Variants in ZFAT observed in about 807,000 individuals in gnomAD.
ZFAT encodes zinc finger protein ZFAT.
A neutral mutation model predicts 117.7 loss-of-function variants in ZFAT; 64 were observed. That is an observed-to-expected ratio of 0.54 (90% CI 0.44 to 0.67). ZFAT has a LOEUF of 0.67. ZFAT is among the 30% of genes least tolerant of loss of function. The pLI is 0.00. For synonymous variants in ZFAT, 679 were observed against 615.0 expected (o/e 1.10, Z -1.54); for missense variants, 1,433 against 1,584.5 (o/e 0.90, Z 1.62).
intron 10 of ZFAT, among the ~76,000 whole-genome samples, chr8:134,565,916 G>T (rs1824425886): frequency 6.6e-6 from 1 of 152,126 alleles, no homozygotes. Context: ...GAATATCAAG[G>T]GTCTGGACCA....
the ZFAT span, among the ~76,000 whole-genome samples, chr8:134,731,212 T>C: frequency 6.6e-6 from 1 of 152,162 alleles, no homozygotes; most frequent in Non-Finnish European, 1.5e-5. Context: ...ACTTACATCT[T>C]CCCTGTGTTC....
At chr8:134,616,164 C>G (rs963130648) in intron 3 of ZFAT, among the ~76,000 whole-genome samples, 3 of 152,216 alleles carry the variant, frequency 2.0e-5, no homozygotes, top group Non-Finnish European at 4.4e-5. Flanking sequence ...CCATGCTCCT[C>G]ACAGCCCTGA....
At chr8:134,529,790 A>C (rs939940554) in intron 12 of ZFAT, among the ~76,000 whole-genome samples, 6 of 152,200 alleles carry the variant, frequency 3.9e-5, no homozygotes, top group African/African-American at 1.4e-4. Flanking sequence ...TACACTACAG[A>C]AATTGGCAAA....
At chr8:134,806,116 A>G in the ZFAT span, among the ~76,000 whole-genome samples, 21 of 152,240 alleles carry the variant, frequency 1.4e-4, no homozygotes, top group Non-Finnish European at 3.1e-4. Flanking sequence ...ACATACATAC[A>G]TGAGCATGCA....
chr8:134,521,536 C>A (rs1346670645), intron 12 of ZFAT, among the ~76,000 whole-genome samples: 1 of 152,098 alleles, frequency 6.6e-6, no homozygotes, highest in Non-Finnish European at 1.5e-5. Flanking sequence ...CTGGTCACAT[C>A]CTGAAACGTC....
the ZFAT span, among the ~76,000 whole-genome samples, chr8:134,753,232 CCAA>C: frequency 1.3e-5 from 2 of 149,748 alleles, no homozygotes; most frequent in East Asian, 2.0e-4. Context: ...AACGAACCAA[CCAA>C]CAACAACAAC....
intron 1 of ZFAT, chr8:134,696,489 C>T (rs1833849922): frequency 1.0e-6 from 1 of 985,674 alleles, no homozygotes; most frequent in Non-Finnish European, 1.2e-6. Flanking sequence ...CGCCGCTTCC[C>T]ACGGAGCATG....
the ZFAT span, among the ~76,000 whole-genome samples, chr8:134,811,190 A>G: frequency 2.0e-5 from 3 of 152,220 alleles, no homozygotes; most frequent in Non-Finnish European, 2.9e-5. Context: ...TTCAAAAGAA[A>G]GATGATGTGA....
intron 13 of ZFAT, 41 bp from the exon 14 acceptor site, chr8:134,512,642 T>G: frequency 6.3e-7 from 1 of 1,592,226 alleles, no homozygotes; most frequent in Non-Finnish European, 8.6e-7. Context: ...CCTAAAAGAT[T>G]GACTGTTGCC....
the ZFAT span, among the ~76,000 whole-genome samples, chr8:134,755,221 T>C: frequency 7.0e-6 from 1 of 143,678 alleles, no homozygotes; most frequent in Non-Finnish European, 1.5e-5. Context: ...CTGGGCAACA[T>C]GGTGAAACCC....
At chr8:134,552,814 T>C (rs78695417) in intron 11 of ZFAT, among the ~76,000 whole-genome samples, 1 of 152,206 alleles carries the variant, frequency 6.6e-6, no homozygotes, top group Non-Finnish European at 1.5e-5. Context: ...CACTGAAGAA[T>C]CTCCAAAATG....
chr8:134,601,450 C>T (rs780633630), intron 6 of ZFAT, 27 bp downstream of exon 6: 2 of 1,575,656 alleles, frequency 1.3e-6, no homozygotes, highest in Admixed American at 1.7e-5. Context: ...GTGGACAGGG[C>T]CACGCACCGG....
At chr8:134,613,387 G>T (rs941653614) in intron 3 of ZFAT, among the ~76,000 whole-genome samples, 2 of 152,224 alleles carry the variant, frequency 1.3e-5, no homozygotes, top group African/African-American at 4.8e-5. Context: ...TTTAGGCATT[G>T]TATGTTAGGA....
intron 8 of ZFAT, 82 bp downstream of exon 8, chr8:134,590,186 T>C (rs1826359638): frequency 3.9e-6 from 4 of 1,029,784 alleles, no homozygotes; most frequent in South Asian, 1.5e-5. Context: ...TTCTATATAG[T>C]GCAGTTAATG....
intron 1 of ZFAT, among the ~76,000 whole-genome samples, chr8:134,706,998 A>G (rs1303586111): frequency 6.6e-6 from 1 of 152,172 alleles, no homozygotes; most frequent in Admixed American, 6.5e-5. Context: ...TTTCCAAGAT[A>G]AAGTCCTGAC....
the ZFAT span, among the ~76,000 whole-genome samples, chr8:134,730,775 AAG>A: frequency 6.6e-6 from 1 of 152,220 alleles, no homozygotes; most frequent in African/African-American, 2.4e-5. Flanking sequence ...CATATTCATC[AAG>A]CAGCCAGGAT....
chr8:134,736,683 C>T, the ZFAT span, among the ~76,000 whole-genome samples: 1 of 152,110 alleles, frequency 6.6e-6, no homozygotes, highest in Non-Finnish European at 1.5e-5. Flanking sequence ...GCAGCCTCAA[C>T]CTCTCAGGCT....
At chr8:134,819,394 A>G in the ZFAT span, among the ~76,000 whole-genome samples, 1 of 152,164 alleles carries the variant, frequency 6.6e-6, no homozygotes, top group African/African-American at 2.4e-5. Context: ...ATTCATGTTT[A>G]TAGGTCAAGA....
chr8:134,592,757 TCTGAAGGAGCAC>T (rs1223082483), intron 7 of ZFAT, among the ~76,000 whole-genome samples: 5 of 152,144 alleles, frequency 3.3e-5, no homozygotes, highest in African/African-American at 1.2e-4. Context: ...GAGAGCGGGA[TCTGAAGGAGCAC>T]CCTCCACCTC....
Sources: allele counts gnomAD v4.1 joint callset (sites outside exome capture counted in the v4.1 genomes callset), GRCh38; gene constraint gnomAD v4.1.1; transcripts MANE v1.5; gene names NCBI Gene and HGNC (gene_info 2026-07-23, HGNC 2026-07-21).